Variants in SLC35E4 observed in about 807,000 individuals in gnomAD.
SLC35E4 encodes solute carrier family 35, member E4.
SLC35E4 carries 15 observed loss-of-function variants against 19.3 expected under a neutral mutation model. The observed-to-expected ratio is 0.78, with a 90% CI of 0.52 to 1.20. The LOEUF is 1.20. Among genes scored for constraint, SLC35E4 ranks in the 50% most tolerant of loss-of-function variants. SLC35E4 has a pLI of 0.00. For missense variants in SLC35E4, 406 were observed against 472.3 expected, an observed-to-expected ratio of 0.86 and a Z score of 1.30; for synonymous variants, 219 against 219.9, an observed-to-expected ratio of 1.00 and a Z score of 0.04.
At chr22:30,657,721 G>A (rs1023230204) in intron 2 of SLC35E4, among the ~76,000 whole-genome samples, 9 of 150,940 alleles carry the variant, frequency 6.0e-5, no homozygotes, top group South Asian at 2.1e-4. Context: ...TGGCTAACAC[G>A]GTGAAACCCC....
chr22:30,663,875 G>T, downstream of SLC35E4: 1 of 1,614,206 alleles, frequency 6.2e-7, no homozygotes, highest in Non-Finnish European at 8.5e-7. Flanking sequence ...TGATCTGGTT[G>T]CTAGACAGCA....
downstream of SLC35E4, chr22:30,663,416 T>C (rs1052420769): frequency 8.8e-6 from 14 of 1,591,106 alleles, no homozygotes; most frequent in South Asian, 4.5e-5. Flanking sequence ...CTGACTCCAA[T>C]GCAGGGGCTC....
At chr22:30,645,433 A>G (rs1410045616) in intron 1 of SLC35E4, among the ~76,000 whole-genome samples, 1 of 152,072 alleles carries the variant, frequency 6.6e-6, no homozygotes, top group African/African-American at 2.4e-5. Context: ...CGTCTCTACT[A>G]AAAATACAAA....
chr22:30,649,795 G>C (rs1384188507), downstream of SLC35E4, among the ~76,000 whole-genome samples: 2 of 149,796 alleles, frequency 1.3e-5, 1 homozygote, highest in Admixed American at 1.3e-4. Flanking sequence ...GGACCTCCCT[G>C]TACCACCCTC....
downstream of SLC35E4, among the ~76,000 whole-genome samples, chr22:30,648,693 G>C (rs1602082016): frequency 6.6e-6 from 1 of 152,286 alleles, no homozygotes; most frequent in South Asian, 2.1e-4. Flanking sequence ...TTGTGCCACT[G>C]CACTCCAGCT....
At chr22:30,650,094 G>T (rs765569486), downstream of SLC35E4, among the ~76,000 whole-genome samples, 24 of 149,640 alleles carry the variant, frequency 1.6e-4, 4 homozygotes, top group Admixed American at 1.5e-3. Flanking sequence ...TACTTTGGGA[G>T]TCCGAGGGGG....
chr22:30,663,354 TA>T, downstream of SLC35E4: 1 of 1,373,044 alleles, frequency 7.3e-7, no homozygotes, highest in Non-Finnish European at 9.9e-7. Flanking sequence ...TCAACAAAAG[TA>T]GAATGTTCAA....
At chr22:30,638,995 A>G (rs5749149) in intron 1 of SLC35E4, among the ~76,000 whole-genome samples, 96,525 of 151,692 alleles carry the variant, frequency 0.64, 31,757 homozygotes, top group African/African-American at 0.81. Flanking sequence ...AGCCCAGCGC[A>G]GTGGCTCACA....
At chr22:30,638,836 T>A (rs1312721200) in intron 1 of SLC35E4, among the ~76,000 whole-genome samples, 1 of 150,132 alleles carries the variant, frequency 6.7e-6, no homozygotes, top group Non-Finnish European at 1.5e-5. Flanking sequence ...CCAGGTGGCA[T>A]GCACCTGTAA....
chr22:30,636,986 C>T lies in SLC35E4; in HGVS notation c.536C>T (p.Ala179Val). 4 of 1,611,722 alleles carry T rather than the reference C, an allele frequency of 2.5e-6. No individual in the cohort carries two copies. Among genetic ancestry groups the T allele is most frequent in the Non-Finnish European group, 3.4e-6 (4 of 1,178,932 alleles). Residue 179 changes from alanine to valine, a missense_variant, in exon 1 of 2, where the codon GCT becomes GTT. Coordinates refer to ENST00000343605, the MANE Select transcript of SLC35E4 (RefSeq NM_001001479.4). ...PLCLGAACSL[A>V]GEFRTPPTGC... The stretch of plus-strand genomic sequence containing the variant: ...TGCCTGGGGGCCGCCTGCAGCCTGG[C>T]TGGAGAGTTCCGGACACCCCCTACC...
intron 2 of SLC35E4, among the ~76,000 whole-genome samples, chr22:30,661,100 CAA>C (rs779600333): frequency 6.6e-6 from 1 of 152,094 alleles, no homozygotes; most frequent in Non-Finnish European, 1.5e-5. Context: ...CTCGGCCTCC[CAA>C]AGTGTTGGGA....
At chr22:30,649,214 G>T, downstream of SLC35E4, 1 of 717,136 alleles carries the variant, frequency 1.4e-6, no homozygotes, top group Non-Finnish European at 2.6e-6. Flanking sequence ...GAGAGGGTTC[G>T]AATGAGGAGC....
chr22:30,640,327 C>T lies in SLC35E4; in HGVS notation c.619+3258C>T, dbSNP rs531650575. Reference sequence around the variant, plus strand: ...CAGAGGTTGCAGTGAGCCGAGATCACGCCACTGCACTCCAGCCTAGGGACA... The same window carrying T: ...CAGAGGTTGCAGTGAGCCGAGATCATGCCACTGCACTCCAGCCTAGGGACA... On this transcript the variant is annotated intron_variant, in intron 1 of 1. Coordinates refer to ENST00000343605, the MANE Select transcript of SLC35E4 (RefSeq NM_001001479.4). Among the ~76,000 whole-genome samples the T allele has an allele frequency of 1.3e-3, 190 of 149,306 alleles. 1 individual carries two copies. Among genetic ancestry groups the T allele is most frequent in the African/African-American group, 4.1e-3 (164 of 40,442 alleles).
chr22:30,650,019 C>T (rs1400175473), downstream of SLC35E4, among the ~76,000 whole-genome samples: 7 of 149,370 alleles, frequency 4.7e-5, no homozygotes, highest in Non-Finnish European at 7.4e-5. Flanking sequence ...GCACAGAGAG[C>T]GCTGGATTGG....
chr22:30,663,659 G>C, downstream of SLC35E4: 1 of 1,614,222 alleles, frequency 6.2e-7, no homozygotes, highest in Non-Finnish European at 8.5e-7. Flanking sequence ...GGTAGGCGAG[G>C]CACAGGGCAG....
chr22:30,654,556 C>T (rs1028413476), intron 2 of SLC35E4: 6 of 442,842 alleles, frequency 1.4e-5, no homozygotes, highest in Non-Finnish European at 2.3e-5. Flanking sequence ...CAGCATGCCT[C>T]GGGGTCCGCC....
chr22:30,666,047 G>A (rs1203795140), downstream of SLC35E4, among the ~76,000 whole-genome samples: 2 of 152,156 alleles, frequency 1.3e-5, no homozygotes, highest in East Asian at 1.9e-4. Flanking sequence ...GCTCATTCCC[G>A]GAAGGACAGA....
At chr22:30,648,044 T>G (rs1360806213), downstream of SLC35E4, among the ~76,000 whole-genome samples, 1 of 152,076 alleles carries the variant, frequency 6.6e-6, no homozygotes, top group Non-Finnish European at 1.5e-5. Context: ...CTCCACTGGC[T>G]GGGCTACCAT....
downstream of SLC35E4, among the ~76,000 whole-genome samples, chr22:30,648,232 G>C (rs1431879398): frequency 6.6e-6 from 1 of 152,136 alleles, no homozygotes; most frequent in East Asian, 1.9e-4. Context: ...AACTCACTCA[G>C]GACGTGGCAC....
Sources: gnomAD v4.1 joint callset for allele counts (sites outside exome capture counted in the v4.1 genomes callset) on GRCh38, gnomAD v4.1.1 for gene constraint, MANE v1.5 for transcripts, NCBI Gene and HGNC (gene_info 2026-07-23, HGNC 2026-07-21) for gene names.